Variants in SNTG2 observed in about 807,000 individuals in gnomAD.
The protein encoded by SNTG2 is syntrophin gamma 2.
Under a neutral mutation model 70.9 loss-of-function variants are expected in SNTG2, and 74 were observed. That is an observed-to-expected ratio of 1.04 (90% confidence interval 0.86 to 1.27). The LOEUF is 1.27. SNTG2 is among the 50% of genes most tolerant of loss of function. The probability of loss-of-function intolerance (pLI) is 0.00; values close to 1 mark genes in which losing one functional copy is unlikely to be tolerated. For missense variants in SNTG2, 717 were observed against 690.7 expected, an observed-to-expected ratio of 1.04 and a Z score of -0.43; for synonymous variants, 278 against 273.8, an observed-to-expected ratio of 1.02 and a Z score of -0.15.
chr2:1,205,089 C>A (rs1673547667), intron 8 of SNTG2, among the ~76,000 whole-genome samples: 1 of 152,042 alleles, frequency 6.6e-6, no homozygotes, highest in African/African-American at 2.4e-5. Context: ...TATTTCCCAT[C>A]TTTTCTAGAA....
chr2:1,085,050 A>G (rs904813926), intron 2 of SNTG2, among the ~76,000 whole-genome samples: 2 of 152,310 alleles, frequency 1.3e-5, no homozygotes, highest in African/African-American at 2.4e-5. Flanking sequence ...TCACGGGCTC[A>G]TACAAGATTC....
Position 1,265,540 on chromosome 2 carries a change from C to T in SNTG2, c.1078-1825C>T, listed in dbSNP as rs866467705. 7.2e-5 allele frequency among the ~76,000 whole-genome samples: 11 copies of T among 152,316 alleles called. No individual in the cohort carries two copies. In the Middle Eastern group the frequency reaches 0.014, roughly 188 times the overall value. On this transcript the variant is annotated intron_variant, in intron 13 of 16. Coordinates refer to ENST00000308624, the MANE Select transcript of SNTG2 (RefSeq NM_018968.4). ...GAGGGTCATCCTGCAGAGCCATCTG[C>T]GGGGCCAGGAGAGCCAGGGCATCCC...
At position 985,009 on chromosome 2, in the gene SNTG2, G is replaced by T. The variant is rs1450476928; in HGVS notation, c.72+33941G>T. On this transcript the variant is annotated intron_variant, in intron 1 of 16. Coordinates refer to ENST00000308624, the MANE Select transcript of SNTG2 (RefSeq NM_018968.4). The stretch of plus-strand genomic sequence containing the variant: ...CACAATTTGCTGGGGGAGTTTTTCT[G>T]TGCAGAAGCATATTATATGTCCATT... Among the ~76,000 whole-genome samples, 3 of 152,290 alleles carry T rather than the reference G, an allele frequency of 2.0e-5. No individual in the cohort carries two copies. In the East Asian group the frequency reaches 5.8e-4, roughly 29 times the overall value.
chr2:1,356,936 G>GT (rs911200527), intron 16 of SNTG2, among the ~76,000 whole-genome samples: 35 of 148,972 alleles, frequency 2.3e-4, no homozygotes, highest in Admixed American at 2.0e-4. Context: ...TTGTAAGTGG[G>GT]TTTTTTTTTT....
At chr2:1,301,312 C>T (rs1680447485) in intron 14 of SNTG2, among the ~76,000 whole-genome samples, 1 of 152,152 alleles carries the variant, frequency 6.6e-6, no homozygotes, top group Admixed American at 6.5e-5. Context: ...GGCTCAGCTG[C>T]CGTCTGCACC....
intron 1 of SNTG2, among the ~76,000 whole-genome samples, chr2:1,082,209 A>G (rs539217900): frequency 1.1e-4 from 16 of 152,100 alleles, no homozygotes; most frequent in Non-Finnish European, 2.1e-4. Flanking sequence ...GTGCTACTTA[A>G]TGGAGGCATT....
intron 9 of SNTG2, among the ~76,000 whole-genome samples, chr2:1,233,448 G>A (rs1227351173): frequency 1.3e-5 from 2 of 152,208 alleles, no homozygotes; most frequent in Non-Finnish European, 2.9e-5. Context: ...CTTTCTGCAT[G>A]TGGACAGGAA....
intron 4 of SNTG2, among the ~76,000 whole-genome samples, chr2:1,111,139 T>G (rs1364742891): frequency 6.6e-6 from 1 of 152,238 alleles, no homozygotes; most frequent in Non-Finnish European, 1.5e-5. Flanking sequence ...GTGTTACTGC[T>G]TTATTGCTAA....
chr2:1,320,491 C>T (rs552001421), intron 16 of SNTG2, among the ~76,000 whole-genome samples: 2 of 145,288 alleles, frequency 1.4e-5, no homozygotes, highest in East Asian at 4.0e-4. Context: ...GAGATCATCG[C>T]GCCACTGTAC....
chr2:1,358,983 G>C (rs955127247), intron 16 of SNTG2, among the ~76,000 whole-genome samples: 4 of 152,056 alleles, frequency 2.6e-5, no homozygotes, highest in Non-Finnish European at 4.4e-5. Flanking sequence ...CTTCAGTTTT[G>C]TCAATGTTTG....
At chr2:1,008,171 G>A (rs930901336) in intron 1 of SNTG2, among the ~76,000 whole-genome samples, 28 of 152,212 alleles carry the variant, frequency 1.8e-4, no homozygotes, top group Middle Eastern at 6.8e-3. Context: ...AATAGTACTC[G>A]TTTTCTATTT....
intron 8 of SNTG2, among the ~76,000 whole-genome samples, chr2:1,185,194 G>C (rs563955397): frequency 1.3e-5 from 2 of 152,298 alleles, no homozygotes; most frequent in South Asian, 4.1e-4. Flanking sequence ...TGATGCAAGG[G>C]GTGGGCTCTT....
intron 11 of SNTG2, chr2:1,242,689 C>T (rs370101989): frequency 6.6e-6 from 1 of 152,078 alleles, no homozygotes; most frequent in Non-Finnish European, 1.5e-5. Flanking sequence ...ATCTCCCTGA[C>T]CCCCTGCAGA....
At chr2:1,319,524 A>T (rs989668919) in intron 16 of SNTG2, among the ~76,000 whole-genome samples, 4 of 152,106 alleles carry the variant, frequency 2.6e-5, no homozygotes, top group African/African-American at 9.7e-5. Context: ...CTGGGATGAG[A>T]GGGAGGAACT....
intron 4 of SNTG2, among the ~76,000 whole-genome samples, chr2:1,131,419 T>A (rs564789415): frequency 6.6e-6 from 1 of 152,302 alleles, no homozygotes; most frequent in African/African-American, 2.4e-5. Context: ...CAAGTTGTTT[T>A]TGGCAAATCC....
chr2:1,113,028 A>G (rs988646822), intron 4 of SNTG2, among the ~76,000 whole-genome samples: 2 of 151,582 alleles, frequency 1.3e-5, no homozygotes, highest in African/African-American at 2.4e-5. Context: ...GTACTAAGTG[A>G]GGTGTAACCC....
intron 16 of SNTG2, among the ~76,000 whole-genome samples, chr2:1,361,160 G>A (rs1661120511): frequency 6.6e-6 from 1 of 152,200 alleles, no homozygotes; most frequent in Non-Finnish European, 1.5e-5. Flanking sequence ...TGTCCCATCT[G>A]TGGGGGCCAA....
At chr2:1,125,653 A>G (rs4266052) in intron 4 of SNTG2, among the ~76,000 whole-genome samples, 69,718 of 150,070 alleles carry the variant, frequency 0.46, 16,708 homozygotes, top group East Asian at 0.66. Context: ...AAGATTTACA[A>G]TTAAAGATTT....
intron 4 of SNTG2, among the ~76,000 whole-genome samples, chr2:1,109,115 A>G (rs929700647): frequency 2.0e-5 from 3 of 152,102 alleles, no homozygotes; most frequent in South Asian, 2.1e-4. Context: ...GGCGCAGGGT[A>G]TGGAGAGCTG....
Sources: allele counts gnomAD v4.1 joint callset (sites outside exome capture counted in the v4.1 genomes callset), GRCh38; gene constraint gnomAD v4.1.1; transcripts MANE v1.5; gene names NCBI Gene and HGNC (gene_info 2026-07-23, HGNC 2026-07-21).